DCC: variants seen among roughly 807,000 people sequenced by gnomAD.
DCC encodes netrin receptor DCC.
In DCC, 58 loss-of-function variants were observed where a neutral mutation model predicts 172.5. That is an observed-to-expected ratio of 0.34 (90% CI 0.27 to 0.42). The LOEUF is 0.42. Among genes scored for constraint, DCC ranks in the 10% least tolerant of loss-of-function variants. The pLI is 1.00. For missense variants in DCC, 1,740 were observed against 1,791.0 expected (o/e 0.97, Z 0.51); for synonymous variants, 709 against 644.5 (o/e 1.10, Z -1.52).
At chr18:53,415,638 A>G (rs926612603) in intron 20 of DCC, among the ~76,000 whole-genome samples, 2 of 152,166 alleles carry the variant, frequency 1.3e-5, no homozygotes, top group Non-Finnish European at 2.9e-5. Flanking sequence ...CACAAGGGCT[A>G]AAGTTTATCA....
In DCC at chr18:52,612,264, G is replaced by A. The variant is rs773022361; in HGVS notation, c.92-139790G>A. 1.2e-4 allele frequency among the ~76,000 whole-genome samples: 18 copies of A among 152,124 alleles called. No individual in the cohort carries two copies. The South Asian group carries it at 2.9e-3, about 25-fold the overall frequency. ...GCACTCAGTTATTCAATCCAGAAAC[G>A]TGGGGTTCTTGCCTCCTCCATCTTC... On this transcript the variant is annotated intron_variant, in intron 1 of 28. Transcript: ENST00000442544.
intron 14 of DCC, among the ~76,000 whole-genome samples, chr18:53,338,533 G>A (rs540310397): frequency 1.1e-4 from 16 of 152,230 alleles, no homozygotes; most frequent in South Asian, 2.1e-4. Context: ...CCCAGGAGGC[G>A]GAGGTTGCAG....
intron 12 of DCC, among the ~76,000 whole-genome samples, chr18:53,236,822 G>A (rs1196025271): frequency 1.3e-5 from 2 of 151,988 alleles, no homozygotes; most frequent in African/African-American, 2.4e-5. Context: ...TATTAAAAGA[G>A]TTCTCTTTCC....
chr18:52,558,279 A>T (rs2032960163), intron 1 of DCC, among the ~76,000 whole-genome samples: 1 of 151,756 alleles, frequency 6.6e-6, no homozygotes, highest in Admixed American at 6.6e-5. Context: ...TATTATGATA[A>T]TACATTTATT....
chr18:53,065,896 A>G (rs2042558922), intron 6 of DCC, 150 bp from the exon 7 acceptor site: 3 of 853,790 alleles, frequency 3.5e-6, no homozygotes, highest in Admixed American at 4.0e-5. Flanking sequence ...CAGGTGGCAT[A>G]GGACACGTCT....
intron 2 of DCC, among the ~76,000 whole-genome samples, chr18:52,793,710 G>A (rs536708044): frequency 6.6e-6 from 1 of 152,168 alleles, no homozygotes; most frequent in Non-Finnish European, 1.5e-5. Context: ...TAAAATCTTT[G>A]CCTAGACCAA....
rs757412559 is a variant in DCC, at chr18:53,305,574, A to C, written c.1912-4A>C. 11 of 1,607,884 alleles carry C rather than the reference A, an allele frequency of 6.8e-6. No homozygotes were observed. In the South Asian group the frequency reaches 1.1e-4, roughly 16 times the overall value. The stretch of plus-strand genomic sequence containing the variant: ...TGTTTTAATTTACACCTATTATTTT[A>C]CAGAGTATCAAAGTTAGCTGGCTGC... On this transcript the variant is annotated splice_polypyrimidine_tract_variant and splice_region_variant and intron_variant, in intron 12 of 28. Coordinates refer to ENST00000442544, the MANE Select transcript of DCC (RefSeq NM_005215.4).
intron 2 of DCC, among the ~76,000 whole-genome samples, chr18:52,775,327 T>C (rs2037410672): frequency 6.6e-6 from 1 of 152,108 alleles, no homozygotes; most frequent in African/African-American, 2.4e-5. Context: ...CCAGTGGGCG[T>C]GTGTGATACA....
chr18:53,031,219 A>G (rs1188430046), intron 5 of DCC, among the ~76,000 whole-genome samples: 1 of 152,184 alleles, frequency 6.6e-6, no homozygotes, highest in Non-Finnish European at 1.5e-5. Context: ...AGATTGTGCC[A>G]CTGCACTCCA....
rs554906873 is a variant in DCC at position 53,471,049 on chromosome 18, A to G, written c.3736+3039A>G. 4.1e-4 allele frequency among the ~76,000 whole-genome samples: 62 copies of G among 152,228 alleles called. 1 individual carries two copies. In the South Asian group the frequency reaches 0.013, roughly 31 times the overall value. On this transcript the variant is annotated intron_variant, in intron 25 of 28. Transcript: ENST00000442544. ...TTCCCAAATTTGACCACTCTTTTCC[A>G]CCTTCACTGTTTTGCCCTTATCCAA...
intron 7 of DCC, among the ~76,000 whole-genome samples, chr18:53,138,003 TG>T (rs2043771945): frequency 1.3e-5 from 2 of 151,866 alleles, no homozygotes; most frequent in African/African-American, 4.8e-5. Context: ...TTTAAATTTT[TG>T]TTTTGTAGAG....
chr18:52,822,344 C>T (rs2038421969), intron 2 of DCC, among the ~76,000 whole-genome samples: 1 of 152,168 alleles, frequency 6.6e-6, no homozygotes, highest in South Asian at 2.1e-4. Context: ...AGTATCTCTA[C>T]CTACTGCTCA....
chr18:53,205,362 C>G lies in DCC; in HGVS notation c.1720C>G (p.Gln574Glu). ...FCTEVSTGKE[Q>E]NIEVDGLSYK... is the part of the protein sequence containing the mutation. ...CACTGAGGTGTCCACAGGAAAAGAA[C>G]AGGTAGGTGAAGGAATGGACCACAC... The change falls in exon 10 of 29, where the codon CAG (glutamine) becomes GAG (glutamate). Residue 574 changes from glutamine to glutamate, a missense_variant and splice_region_variant. Transcript: ENST00000442544. 6.2e-7 allele frequency: 1 copy of G among 1,613,736 alleles called. No individual in the cohort carries two copies. Among genetic ancestry groups the G allele is most frequent in the Non-Finnish European group, 8.5e-7 (1 of 1,179,758 alleles).
chr18:53,210,951 C>T (rs1206442433), intron 11 of DCC, among the ~76,000 whole-genome samples: 3 of 151,354 alleles, frequency 2.0e-5, no homozygotes, highest in African/African-American at 7.3e-5. Context: ...TACAATGAGC[C>T]ATTTTTTTTT....
At chr18:53,376,252 T>C (rs1907277360) in intron 15 of DCC, among the ~76,000 whole-genome samples, 1 of 151,684 alleles carries the variant, frequency 6.6e-6, no homozygotes, top group African/African-American at 2.4e-5. Context: ...GGCGTGTTGG[T>C]GGGTGCCTGT....
At chr18:52,692,314 A>G (rs981591400) in intron 1 of DCC, among the ~76,000 whole-genome samples, 43 of 152,144 alleles carry the variant, frequency 2.8e-4, no homozygotes, top group African/African-American at 1.0e-3. Flanking sequence ...TCAAACTTTA[A>G]GGGAAGCTTC....
At chr18:52,867,114 T>G (rs1418015221) in intron 2 of DCC, among the ~76,000 whole-genome samples, 2 of 152,222 alleles carry the variant, frequency 1.3e-5, no homozygotes, top group Non-Finnish European at 2.9e-5. Flanking sequence ...ATCAAAGGCC[T>G]TTTCAGCATC....
At chr18:52,849,183 T>C (rs1801645084) in intron 2 of DCC, among the ~76,000 whole-genome samples, 1 of 152,142 alleles carries the variant, frequency 6.6e-6, no homozygotes, top group Non-Finnish European at 1.5e-5. Flanking sequence ...CTTTCTCAGG[T>C]TTTTCTAATT....
At chr18:52,942,137 G>A (rs1000719700) in intron 5 of DCC, among the ~76,000 whole-genome samples, 1 of 152,086 alleles carries the variant, frequency 6.6e-6, no homozygotes, top group Non-Finnish European at 1.5e-5. Flanking sequence ...CACTAATTAT[G>A]TAGACTGTTG....
Sources: gnomAD v4.1 joint callset for allele counts (sites outside exome capture counted in the v4.1 genomes callset) on GRCh38, gnomAD v4.1.1 for gene constraint, MANE v1.5 for transcripts, NCBI Gene and HGNC (gene_info 2026-07-23, HGNC 2026-07-21) for gene names.